RBFOX1: variants seen among roughly 807,000 people sequenced by gnomAD.
The protein encoded by RBFOX1 is RNA binding fox-1 homolog 1, also known as RNA binding protein fox-1 homolog 1.
In RBFOX1, 8 loss-of-function variants were observed where a neutral mutation model predicts 57.7. That is an observed-to-expected ratio of 0.14 (90% confidence interval 0.08 to 0.25). RBFOX1 has a LOEUF of 0.25. RBFOX1 is among the 10% of genes least tolerant of loss of function. RBFOX1 has a pLI of 1.00. For synonymous variants in RBFOX1, 326 were observed against 222.4 expected, an observed-to-expected ratio of 1.47 and a Z score of -4.15; for missense variants, 611 against 548.5, an observed-to-expected ratio of 1.11 and a Z score of -1.14.
rs547943024 is a variant in RBFOX1, at chr16:7,708,023, C to T, written c.996-1033C>T. Among the ~76,000 whole-genome samples the T allele has an allele frequency of 2.6e-4, 39 of 152,234 alleles. 1 individual carries two copies. Among genetic ancestry groups the T allele is most frequent in the African/African-American group, 8.9e-4 (37 of 41,526 alleles). On this transcript the variant is annotated intron_variant, in intron 14 of 15. Coordinates refer to ENST00000550418, the MANE Select transcript of RBFOX1 (RefSeq NM_018723.4). Reference sequence around the variant, plus strand: ...AGTATGGGCACAGGATACGGTGGACCAAGCACGCAAGTTGCCCTAAGAGAT... The same window carrying T: ...AGTATGGGCACAGGATACGGTGGACTAAGCACGCAAGTTGCCCTAAGAGAT...
chr16:6,204,984 G>C (rs78074048), intron 1 of RBFOX1, among the ~76,000 whole-genome samples: 2 of 152,116 alleles, frequency 1.3e-5, no homozygotes, highest in Non-Finnish European at 2.9e-5. Flanking sequence ...GCAATAAAAG[G>C]AATTTGCTTT....
At position 6,651,006 on chromosome 16, in the gene RBFOX1, G is replaced by T. The variant is rs146767552; in HGVS notation, c.-63-3597G>T. 3.3e-5 allele frequency among the ~76,000 whole-genome samples: 5 copies of T among 152,270 alleles called. 1 individual carries two copies. The East Asian group carries it at 9.7e-4, about 29-fold the overall frequency. ...CATCCTCCGCCTTCCCGGTTCAAGTGATTCTCTTGTCTCAGCCTCCTGAGT... is the reference window on the plus strand; with the variant it reads ...CATCCTCCGCCTTCCCGGTTCAAGTTATTCTCTTGTCTCAGCCTCCTGAGT... On this transcript the variant is annotated intron_variant, in intron 2 of 15. Transcript: ENST00000550418.
intron 3 of RBFOX1, among the ~76,000 whole-genome samples, chr16:5,701,249 T>C (rs969580039): frequency 5.9e-5 from 9 of 152,240 alleles, no homozygotes; most frequent in Non-Finnish European, 1.2e-4. Flanking sequence ...TGTTTCTTCA[T>C]ACTTGAAGCT....
At chr16:7,032,837 A>G (rs950866518) in intron 3 of RBFOX1, among the ~76,000 whole-genome samples, 5 of 152,196 alleles carry the variant, frequency 3.3e-5, no homozygotes, top group Non-Finnish European at 7.3e-5. Context: ...GGCTCATGGC[A>G]TAGCCACTCT....
At chr16:5,612,822 C>T (rs929333091) in intron 3 of RBFOX1, among the ~76,000 whole-genome samples, 8 of 152,224 alleles carry the variant, frequency 5.3e-5, no homozygotes, top group Non-Finnish European at 1.0e-4. Context: ...TTGAAGACCT[C>T]AGTGCCACCA....
At chr16:5,864,748 T>C (rs2057305856) in intron 3 of RBFOX1, among the ~76,000 whole-genome samples, 1 of 152,142 alleles carries the variant, frequency 6.6e-6, no homozygotes, top group South Asian at 2.1e-4. Flanking sequence ...CACATTCAGA[T>C]CATGTATGTG....
intron 2 of RBFOX1, among the ~76,000 whole-genome samples, chr16:6,513,905 A>T (rs1298121344): frequency 6.6e-6 from 1 of 152,186 alleles, no homozygotes; most frequent in Admixed American, 6.5e-5. Flanking sequence ...CGTCAGGCTG[A>T]AAGAGATCCC....
intron 5 of RBFOX1, among the ~76,000 whole-genome samples, chr16:7,526,296 C>G (rs1239891818): frequency 6.6e-6 from 1 of 152,156 alleles, no homozygotes; most frequent in Admixed American, 6.6e-5. Flanking sequence ...GATCTCTTGA[C>G]CAATGGCTTA....
At chr16:7,299,194 T>C (rs2095971371) in intron 4 of RBFOX1, among the ~76,000 whole-genome samples, 1 of 152,224 alleles carries the variant, frequency 6.6e-6, no homozygotes, top group South Asian at 2.1e-4. Context: ...TCCACAGTGA[T>C]GTCAAATCTA....
intron 3 of RBFOX1, among the ~76,000 whole-genome samples, chr16:5,653,703 T>TA (rs2049327408): frequency 1.3e-5 from 2 of 152,270 alleles, no homozygotes; most frequent in African/African-American, 4.8e-5. Context: ...CTCTGAGAGA[T>TA]ACTGTTCATT....
chr16:5,541,883 CTT>C (rs931387296), intron 2 of RBFOX1, among the ~76,000 whole-genome samples: 11 of 152,200 alleles, frequency 7.2e-5, no homozygotes, highest in African/African-American at 2.4e-4. Flanking sequence ...TCAGGGGCCT[CTT>C]TAATTTTTTC....
intron 7 of RBFOX1, among the ~76,000 whole-genome samples, chr16:7,592,979 CTTT>C (rs1203680995): frequency 1.5e-5 from 2 of 137,588 alleles, no homozygotes; most frequent in Non-Finnish European, 3.1e-5. Flanking sequence ...TCACACCTGG[CTTT>C]TTTTTTTTTT....
chr16:7,232,265 T>C (rs1482138636), intron 4 of RBFOX1, among the ~76,000 whole-genome samples: 2 of 152,136 alleles, frequency 1.3e-5, no homozygotes, highest in African/African-American at 4.8e-5. Flanking sequence ...AACTGTTTAC[T>C]TTAAATGGTT....
chr16:5,357,979 C>T (rs1177205088), intron 1 of RBFOX1, among the ~76,000 whole-genome samples: 1 of 152,202 alleles, frequency 6.6e-6, no homozygotes, highest in Admixed American at 6.5e-5. Context: ...TTTCCTAGAG[C>T]TGCTGTAGCA....
chr16:6,821,911 C>T (rs1174840838), intron 3 of RBFOX1, among the ~76,000 whole-genome samples: 3 of 152,128 alleles, frequency 2.0e-5, no homozygotes, highest in Non-Finnish European at 4.4e-5. Context: ...TATGGTTTAA[C>T]CCTTTGAGGA....
Position 5,568,520 on chromosome 16 carries a change from C to T in RBFOX1, c.259-30382C>T, listed in dbSNP as rs114866604. Among the ~76,000 whole-genome samples, 814 of 152,242 alleles carry T rather than the reference C, an allele frequency of 5.3e-3. 9 individuals carry two copies. Among genetic ancestry groups the T allele is most frequent in the African/African-American group, 0.019 (782 of 41,536 alleles). On this transcript the variant is annotated intron_variant, in intron 2 of 2. Coordinates refer to the RBFOX1 transcript ENST00000585867. ...GAGCAGAGAGCAGCGTAAAGGTCAC[C>T]AAGATAAGCGCGCAGGGGTTTGGAA...
chr16:5,924,841 A>C (rs920478497), intron 4 of RBFOX1, among the ~76,000 whole-genome samples: 2 of 152,102 alleles, frequency 1.3e-5, no homozygotes, highest in Non-Finnish European at 2.9e-5. Context: ...GATGGACGTG[A>C]TGCTGTGGGG....
At chr16:5,860,915 T>C (rs1195803118) in intron 3 of RBFOX1, among the ~76,000 whole-genome samples, 1 of 152,164 alleles carries the variant, frequency 6.6e-6, no homozygotes, top group Admixed American at 6.5e-5. Context: ...TAAAAAGGAA[T>C]GGAGGAGAGA....
chr16:5,456,850 C>G (rs2068645251), intron 1 of RBFOX1, among the ~76,000 whole-genome samples: 1 of 152,204 alleles, frequency 6.6e-6, no homozygotes, highest in Non-Finnish European at 1.5e-5. Context: ...GAGACCCCGC[C>G]TTGCCTCAAG....
Sources: gnomAD v4.1 joint callset for allele counts (sites outside exome capture counted in the v4.1 genomes callset) on GRCh38, gnomAD v4.1.1 for gene constraint, MANE v1.5 for transcripts, NCBI Gene and HGNC (gene_info 2026-07-23, HGNC 2026-07-21) for gene names.